INPP5A: variants seen among roughly 807,000 people sequenced by gnomAD.
The protein encoded by INPP5A is inositol polyphosphate-5-phosphatase A.
Under a neutral mutation model 65.2 loss-of-function variants are expected in INPP5A, and 14 were observed. The ratio of observed to expected loss-of-function variants is 0.21; its 90% CI spans 0.14 to 0.34. INPP5A has a LOEUF of 0.34. INPP5A is among the 10% of genes least tolerant of loss of function. INPP5A has a pLI of 1.00. For missense variants in INPP5A, 431 were observed against 545.6 expected, an observed-to-expected ratio of 0.79 and a Z score of 2.09; for synonymous variants, 207 against 208.3, an observed-to-expected ratio of 0.99 and a Z score of 0.05.
intron 8 of INPP5A, among the ~76,000 whole-genome samples, chr10:132,720,331 A>G (rs1372747114): frequency 0.015 from 666 of 44,468 alleles, no homozygotes; most frequent in Middle Eastern, 0.019. Flanking sequence ...TTCTTTCTGG[A>G]GGCGCCTTAG....
At chr10:132,781,000 CG>C (rs1463585713) in intron 14 of INPP5A, 83 bp downstream of exon 14, 2 of 252,318 alleles carry the variant, frequency 7.9e-6, no homozygotes, top group African/African-American at 2.9e-5. Context: ...AGTGGGTGGG[CG>C]GGTGCTGGGG....
chr10:132,653,215 A>C (rs1380967371), intron 4 of INPP5A, among the ~76,000 whole-genome samples: 1 of 152,132 alleles, frequency 6.6e-6, no homozygotes, highest in Non-Finnish European at 1.5e-5. Context: ...TTTCCACCAA[A>C]ACGTTTTTCC....
intron 4 of INPP5A, among the ~76,000 whole-genome samples, chr10:132,681,854 C>T (rs1369286839): frequency 6.6e-6 from 1 of 152,166 alleles, no homozygotes; most frequent in East Asian, 1.9e-4. Flanking sequence ...TATGACCCAA[C>T]CGTAAAAAGG....
intron 12 of INPP5A, among the ~76,000 whole-genome samples, chr10:132,769,805 C>A (rs982177228): frequency 3.4e-4 from 33 of 98,286 alleles, no homozygotes; most frequent in African/African-American, 9.2e-4. Flanking sequence ...GTAGCTCCCC[C>A]CCCCCAAGTT....
intron 11 of INPP5A, 68 bp downstream of exon 11, chr10:132,749,913 A>G (rs1435693969): frequency 1.5e-6 from 2 of 1,318,062 alleles, no homozygotes; most frequent in Non-Finnish European, 2.2e-6. Flanking sequence ...CCTTCCCATT[A>G]CCTCTGCTTA....
intron 1 of INPP5A, among the ~76,000 whole-genome samples, chr10:132,592,077 G>T (rs922036357): frequency 6.6e-6 from 1 of 152,136 alleles, no homozygotes; most frequent in Non-Finnish European, 1.5e-5. Context: ...CACTTATAAG[G>T]CTAGAGTATA....
At chr10:132,540,534 T>G (rs2070893983) in intron 1 of INPP5A, among the ~76,000 whole-genome samples, 1 of 152,320 alleles carries the variant, frequency 6.6e-6, no homozygotes, top group South Asian at 2.1e-4. Flanking sequence ...CCAGACCCAG[T>G]CTCCTTCAGT....
chr10:132,564,440 C>T (rs1373424227), intron 1 of INPP5A, among the ~76,000 whole-genome samples: 1 of 152,036 alleles, frequency 6.6e-6, no homozygotes, highest in Non-Finnish European at 1.5e-5. Flanking sequence ...TTCATGGTAG[C>T]CAGGGTCTCC....
intron 1 of INPP5A, among the ~76,000 whole-genome samples, chr10:132,585,120 G>A (rs1564924651): frequency 1.3e-5 from 2 of 152,168 alleles, no homozygotes; most frequent in Admixed American, 6.5e-5. Flanking sequence ...GTGTGCTTTG[G>A]GGAAGCAATT....
At chr10:132,559,184 G>A (rs898725528) in intron 1 of INPP5A, among the ~76,000 whole-genome samples, 53 of 152,164 alleles carry the variant, frequency 3.5e-4, no homozygotes, top group African/African-American at 6.8e-4. Context: ...CCCGCCGCTC[G>A]GGGCCGTCGG....
intron 9 of INPP5A, among the ~76,000 whole-genome samples, chr10:132,746,095 G>A (rs1337366463): frequency 1.3e-5 from 2 of 152,210 alleles, no homozygotes; most frequent in Non-Finnish European, 1.5e-5. Flanking sequence ...GCCCTGAGTG[G>A]GCCCCCGAGG....
chr10:132,716,951 T>G (rs1401490118), intron 8 of INPP5A, among the ~76,000 whole-genome samples: 1 of 152,200 alleles, frequency 6.6e-6, no homozygotes, highest in African/African-American at 2.4e-5. Context: ...GAGTGTGGGC[T>G]TTAAAAGGTG....
In INPP5A at chr10:132,651,608, C is replaced by A. The variant is rs541413504; in HGVS notation, c.306+1103C>A. ...CAGCGCCCACTAGCCGTCATTGCGC[C>A]GTCACGTGACAGGCCCTTGTTAATC... is the stretch of plus-strand genomic sequence containing the variant. On this transcript the variant is annotated intron_variant, in intron 4 of 15. Coordinates refer to ENST00000368594, the MANE Select transcript of INPP5A (RefSeq NM_005539.5). The surrounding 1 kb of genome is among the most constrained non-coding windows in gnomAD (Gnocchi z 5.0). Among the ~76,000 whole-genome samples, 52 of 152,214 alleles carry A rather than the reference C, an allele frequency of 3.4e-4. 1 individual carries two copies. Among genetic ancestry groups the A allele is most frequent in the Admixed American group, 3.3e-3 (50 of 15,290 alleles).
chr10:132,553,580 A>C (rs376824817), intron 1 of INPP5A, among the ~76,000 whole-genome samples: 4 of 128,660 alleles, frequency 3.1e-5, no homozygotes, highest in East Asian at 2.6e-4. Context: ...CTTGATGTGG[A>C]ATATTGAGTG....
intron 11 of INPP5A, among the ~76,000 whole-genome samples, chr10:132,752,111 G>GTGCCCAGGAGGCGTCTGGGTGGAGGCAGC (rs1554956146): frequency 1.2e-4 from 17 of 144,300 alleles, no homozygotes; most frequent in Non-Finnish European, 2.6e-4. Flanking sequence ...GTGGAGGCGG[G>GTGCCCAGGAGGCGTCTGGGTGGAGGCAGC]TGCCCAGGAG....
At chr10:132,690,888 A>T (rs944042037) in intron 5 of INPP5A, among the ~76,000 whole-genome samples, 1 of 152,152 alleles carries the variant, frequency 6.6e-6, no homozygotes, top group African/African-American at 2.4e-5. Flanking sequence ...CCGCTGACAC[A>T]AGCTGTCCCC....
Position 132,712,434 on chromosome 10 carries a change from C to A in INPP5A, c.647+1978C>A, listed in dbSNP as rs545186004. ...GAGTGCATACATATGTGTGTGCACGCGTGTGTGGGTGTGTGTGGGTGCATG... is the reference window on the plus strand; with the variant it reads ...GAGTGCATACATATGTGTGTGCACGAGTGTGTGGGTGTGTGTGGGTGCATG... On this transcript the variant is annotated intron_variant, in intron 8 of 15. Transcript: ENST00000368594. Among the ~76,000 whole-genome samples, 15 of 144,138 alleles carry A rather than the reference C, an allele frequency of 1.0e-4. No individual in the cohort carries two copies. The South Asian group carries it at 2.7e-3, about 26-fold the overall frequency. The allele number at this position is 144,138 out of a possible 152,430, so 94.6% of individuals were successfully genotyped here. A position where few individuals can be genotyped will look rare whatever the true frequency, so the allele number is the denominator to read the frequency against.
Position 132,783,201 on chromosome 10 carries a change from G to A in INPP5A, c.*1172G>A, listed in dbSNP as rs1287764919. 1 of 152,418 alleles carries A rather than the reference G, an allele frequency of 6.6e-6. No homozygotes were observed. Among genetic ancestry groups the A allele is most frequent in the Non-Finnish European group, 1.5e-5 (1 of 68,044 alleles). 9.4% of individuals were successfully genotyped at this position (152,418 alleles called of 1,614,324 possible). A position where few individuals can be genotyped will look rare whatever the true frequency, so the allele number is the denominator to read the frequency against. On this transcript the variant is annotated 3_prime_UTR_variant, in exon 16 of 16. Coordinates refer to ENST00000368594, the MANE Select transcript of INPP5A (RefSeq NM_005539.5). ...GTCTGTTGATGAAACACAAATGTAT[G>A]TTTTATTGATTTTACTTTAGAACAC...
At chr10:132,590,355 T>C (rs1271023990) in intron 1 of INPP5A, among the ~76,000 whole-genome samples, 1 of 152,122 alleles carries the variant, frequency 6.6e-6, no homozygotes, top group Admixed American at 6.5e-5. Context: ...CAGTGCGGCC[T>C]CCATGATGTC....
Sources: gnomAD v4.1 joint callset for allele counts (sites outside exome capture counted in the v4.1 genomes callset) on GRCh38, gnomAD v4.1.1 for gene constraint, Gnocchi (gnomAD v3.1) non-coding constraint, MANE v1.5 for transcripts, NCBI Gene and HGNC (gene_info 2026-07-23, HGNC 2026-07-21) for gene names.